PRKN: variants seen among roughly 807,000 people sequenced by gnomAD.
The protein encoded by PRKN is E3 ubiquitin-protein ligase parkin.
In PRKN, 56 loss-of-function variants were observed where a neutral mutation model predicts 59.5. That is an observed-to-expected ratio of 0.94 (90% confidence interval 0.76 to 1.18). PRKN has a LOEUF of 1.18. Among genes scored for constraint, PRKN ranks in the 50% most tolerant of loss-of-function variants. PRKN has a pLI of 0.00. For missense variants in PRKN, 657 were observed against 596.4 expected (o/e 1.10, Z -1.06); for synonymous variants, 250 against 222.1 (o/e 1.13, Z -1.12).
intron 6 of PRKN, among the ~76,000 whole-genome samples, chr6:161,889,534 C>T (rs1045618373): frequency 3.9e-5 from 6 of 152,170 alleles, no homozygotes; most frequent in African/African-American, 1.4e-4. Flanking sequence ...CATTCTCAGA[C>T]AGACAGACTG....
At chr6:162,303,160 G>C (rs571175052) in intron 2 of PRKN, among the ~76,000 whole-genome samples, 1 of 152,140 alleles carries the variant, frequency 6.6e-6, no homozygotes, top group Non-Finnish European at 1.5e-5. Context: ...AATGGCAATA[G>C]TTATTAAATA....
rs1282609516 is a variant in PRKN at position 161,357,669 on chromosome 6, G to A, written c.1285+2419C>T. Among the ~76,000 whole-genome samples the A allele has an allele frequency of 1.3e-5, 2 of 152,174 alleles. No individual in the cohort carries two copies. The highest frequency in any genetic ancestry group is 2.4e-5 in the African/African-American group (1 of 41,446). ...ACTCACTATGACATGGTAACATCTTGTTTCCAGTCTTTTTCTTCTGATTCT... is the reference window on the plus strand; with the variant it reads ...ACTCACTATGACATGGTAACATCTTATTTCCAGTCTTTTTCTTCTGATTCT... On this transcript the variant is annotated intron_variant, in intron 11 of 11. Transcript: ENST00000366898. The surrounding 1 kb of genome is among the most constrained non-coding windows in gnomAD (Gnocchi z 5.5).
chr6:161,884,976 CAAA>C (rs35244761), intron 6 of PRKN, among the ~76,000 whole-genome samples: 2 of 133,532 alleles, frequency 1.5e-5, no homozygotes, highest in African/African-American at 5.3e-5. Context: ...ACTTTATTTA[CAAA>C]AAAAAAAAAA....
intron 1 of PRKN, among the ~76,000 whole-genome samples, chr6:162,674,093 T>G (rs1195883569): frequency 6.6e-6 from 1 of 152,242 alleles, no homozygotes; most frequent in Non-Finnish European, 1.5e-5. Flanking sequence ...AAGAGCTCAA[T>G]GTATGCCAAA....
intron 4 of PRKN, among the ~76,000 whole-genome samples, chr6:162,172,426 G>T (rs573989307): frequency 6.6e-6 from 1 of 152,300 alleles, no homozygotes; most frequent in South Asian, 2.1e-4. Flanking sequence ...GCTGCCTGTT[G>T]CCTGAGCCTT....
chr6:161,350,022 A>C lies in PRKN; in HGVS notation c.*77T>G. Reference sequence around the variant, plus strand: ...CGCGCGCGTGTGTGTGTGTGTTTGAAAAGAGAATTAGAAAATGAAGGTAGA... The same window carrying C: ...CGCGCGCGTGTGTGTGTGTGTTTGACAAGAGAATTAGAAAATGAAGGTAGA... On this transcript the variant is annotated 3_prime_UTR_variant, in exon 12 of 12. Coordinates refer to ENST00000366898, the MANE Select transcript of PRKN (RefSeq NM_004562.3). 1 of 983,128 alleles carries C rather than the reference A, an allele frequency of 1.0e-6. No individual in the cohort carries two copies. The allele number at this position is 983,128 out of a possible 1,614,324, so 60.9% of individuals were successfully genotyped here.
chr6:162,055,414 G>A (rs1167318400), intron 4 of PRKN, among the ~76,000 whole-genome samples: 1 of 152,180 alleles, frequency 6.6e-6, no homozygotes, highest in Non-Finnish European at 1.5e-5. Flanking sequence ...TTGGGGAGAT[G>A]CAAGTTGGAA....
chr6:161,777,046 G>C (rs916410158), intron 7 of PRKN, among the ~76,000 whole-genome samples: 1 of 152,134 alleles, frequency 6.6e-6, no homozygotes, highest in Admixed American at 6.5e-5. Flanking sequence ...GCAGGCGCTA[G>C]AGCCATAACT....
intron 9 of PRKN, among the ~76,000 whole-genome samples, chr6:161,420,521 T>G: frequency 6.6e-6 from 1 of 151,708 alleles, no homozygotes; most frequent in South Asian, 2.1e-4. Flanking sequence ...TTTCTTTCTT[T>G]ATTTATTTTT....
intron 5 of PRKN, among the ~76,000 whole-genome samples, chr6:162,012,632 A>T (rs1281491051): frequency 6.6e-6 from 1 of 152,146 alleles, no homozygotes; most frequent in African/African-American, 2.4e-5. Context: ...TTATTGAGCA[A>T]ATCTGATCCT....
At chr6:161,832,063 G>A (rs1340625495) in intron 6 of PRKN, among the ~76,000 whole-genome samples, 2 of 152,160 alleles carry the variant, frequency 1.3e-5, no homozygotes, top group African/African-American at 4.8e-5. Flanking sequence ...TTACCAACTG[G>A]ACACATTACT....
intron 5 of PRKN, among the ~76,000 whole-genome samples, chr6:162,046,844 T>A (rs954563552): frequency 6.6e-6 from 1 of 152,122 alleles, no homozygotes; most frequent in African/African-American, 2.4e-5. Context: ...TGATTCAAAT[T>A]TGCAAAATTT....
At chr6:161,629,718 C>T (rs1346284841) in intron 7 of PRKN, among the ~76,000 whole-genome samples, 1 of 152,176 alleles carries the variant, frequency 6.6e-6, no homozygotes, top group Non-Finnish European at 1.5e-5. Flanking sequence ...CTTCCCCACC[C>T]ACCTAGCAAA....
At chr6:162,152,740 G>A (rs973287659) in intron 4 of PRKN, among the ~76,000 whole-genome samples, 1 of 152,214 alleles carries the variant, frequency 6.6e-6, no homozygotes, top group African/African-American at 2.4e-5. Flanking sequence ...ATAGAAAGCA[G>A]CATTTTAAAA....
chr6:162,235,526 G>A (rs1778616535), intron 3 of PRKN, among the ~76,000 whole-genome samples: 1 of 152,278 alleles, frequency 6.6e-6, no homozygotes, highest in South Asian at 2.1e-4. Context: ...TACTCCTCAT[G>A]GCCGGGCGCA....
intron 4 of PRKN, among the ~76,000 whole-genome samples, chr6:162,088,912 A>G: frequency 6.6e-6 from 1 of 152,212 alleles, no homozygotes; most frequent in East Asian, 1.9e-4. Context: ...AAATTAAGTC[A>G]AAATGGATAA....
chr6:161,535,885 C>T (rs922697949), intron 9 of PRKN, among the ~76,000 whole-genome samples: 13 of 152,082 alleles, frequency 8.5e-5, no homozygotes, highest in African/African-American at 3.1e-4. Context: ...ACTGGCCACA[C>T]ACCACGGAAC....
At chr6:162,568,069 G>C (rs1268233636) in intron 1 of PRKN, among the ~76,000 whole-genome samples, 1 of 152,110 alleles carries the variant, frequency 6.6e-6, no homozygotes. Flanking sequence ...ATAGGCAGAA[G>C]AATGAAACTA....
intron 7 of PRKN, among the ~76,000 whole-genome samples, chr6:161,725,294 C>T (rs769890876): frequency 6.6e-5 from 10 of 152,152 alleles, no homozygotes; most frequent in Non-Finnish European, 1.2e-4. Context: ...ATTATAAAGA[C>T]AATGGGTAGG....
Sources: gnomAD v4.1 joint callset for allele counts (sites outside exome capture counted in the v4.1 genomes callset) on GRCh38, gnomAD v4.1.1 for gene constraint, Gnocchi (gnomAD v3.1) non-coding constraint, MANE v1.5 for transcripts, NCBI Gene and HGNC (gene_info 2026-07-23, HGNC 2026-07-21) for gene names.